PCDHA9: variants seen among roughly 807,000 people sequenced by gnomAD.
PCDHA9 encodes protocadherin alpha-9.
Under a neutral mutation model 62.0 loss-of-function variants are expected in PCDHA9, and 62 were observed. The observed-to-expected ratio is 1.00, with a 90% CI of 0.81 to 1.23. The LOEUF (loss-of-function observed/expected upper bound fraction) is 1.23. Among genes scored for constraint, PCDHA9 ranks in the 50% most tolerant of loss-of-function variants. The pLI, the probability that PCDHA9 is intolerant of heterozygous loss-of-function variation, is 0.00. For missense variants in PCDHA9, 1,205 were observed against 1,249.8 expected, an observed-to-expected ratio of 0.96 and a Z score of 0.54; for synonymous variants, 557 against 567.6, an observed-to-expected ratio of 0.98 and a Z score of 0.27.
chr5:140,979,898 G>A (rs1253481087), intron 2 of PCDHA9, among the ~76,000 whole-genome samples: 2 of 152,212 alleles, frequency 1.3e-5, no homozygotes, highest in Non-Finnish European at 1.5e-5. Context: ...ACCAAACTTA[G>A]ATCAGTTCGT....
intron 1 of PCDHA9, chr5:140,968,708 A>G: frequency 1.2e-6 from 2 of 1,614,126 alleles, no homozygotes; most frequent in Non-Finnish European, 1.7e-6. Flanking sequence ...TACCAGGAAG[A>G]TGGGAGATGA....
chr5:140,980,259 G>T (rs1200649581), intron 2 of PCDHA9, among the ~76,000 whole-genome samples: 1 of 152,192 alleles, frequency 6.6e-6, no homozygotes. Flanking sequence ...TAAAAGCATG[G>T]TTTACAGTAC....
intron 1 of PCDHA9, among the ~76,000 whole-genome samples, chr5:140,886,732 A>C (rs1457707116): frequency 3.9e-5 from 6 of 151,952 alleles, no homozygotes; most frequent in Non-Finnish European, 8.8e-5. Flanking sequence ...AGGCTGAAGC[A>C]AGAGAATTGC....
At chr5:140,886,899 A>G (rs1054848231) in intron 1 of PCDHA9, among the ~76,000 whole-genome samples, 1 of 152,020 alleles carries the variant, frequency 6.6e-6, no homozygotes, top group Admixed American at 6.6e-5. Flanking sequence ...AATGCATTTA[A>G]TAAATACTTA....
At position 140,941,246 on chromosome 5, in the gene PCDHA9, T is replaced by TCCTTC. The variant is rs1465255424; in HGVS notation, c.2395-37702_2395-37701insCTTCC. Among the ~76,000 whole-genome samples, 4 of 141,078 alleles carry TCCTTC rather than the reference T, an allele frequency of 2.8e-5. No individual in the cohort carries two copies. In the East Asian group the frequency reaches 8.2e-4, roughly 29 times the overall value. 92.6% of individuals were successfully genotyped at this position (141,078 alleles called of 152,430 possible). On this transcript the variant is annotated intron_variant, in intron 1 of 3. Coordinates refer to ENST00000532602, the MANE Select transcript of PCDHA9 (RefSeq NM_031857.2). Reference sequence around the variant, plus strand: ...TTCTTTCTTTCTTTCTTTCTTTCTTTCTTTCTTTCTCTTTCTTTCTTTCTT... The same window carrying TCCTTC: ...TTCTTTCTTTCTTTCTTTCTTTCTTTCCTTCCTTTCTTTCTCTTTCTTTCTTTCTT...
rs1554142197 is a variant in PCDHA9 at position 140,848,554 on chromosome 5, T to G, written c.59T>G (p.Ile20Ser). The change falls in exon 1 of 4, where the codon ATC (isoleucine) becomes AGC (serine). Residue 20 changes from isoleucine to serine, a missense_variant. This residue lies in a region of PCDHA9 where 208 missense variants were observed against 213.2 expected (regional missense o/e 0.98). Transcript: ENST00000532602. ...CAGCCTCTACTGCTCTCGCTTCTGA[T>G]CCTCGCAATGTGGGTGGTGGGGAGC... ...EGQPLLLSLL[I>S]LAMWVVGSGQ... 2.5e-6 allele frequency: 4 copies of G among 1,595,574 alleles called. No homozygotes were observed. The highest frequency in any genetic ancestry group is 3.4e-5 in the Admixed American group (2 of 59,260).
chr5:140,878,318 C>T (rs2057536608), intron 1 of PCDHA9, among the ~76,000 whole-genome samples: 1 of 152,176 alleles, frequency 6.6e-6, no homozygotes, highest in African/African-American at 2.4e-5. Context: ...TAGACATTTT[C>T]ACATTATATT....
At position 140,855,056 on chromosome 5, in the gene PCDHA9, G is replaced by A. The variant is rs1045590902; in HGVS notation, c.2394+4167G>A. The stretch of plus-strand genomic sequence containing the variant: ...GATTTTTCTGTAATAGTACTTTTCT[G>A]TTTTCTTAAATACAGAAACCACCAC... On this transcript the variant is annotated intron_variant, in intron 1 of 3. Coordinates refer to ENST00000532602, the MANE Select transcript of PCDHA9 (RefSeq NM_031857.2). Among the ~76,000 whole-genome samples, 11 of 149,630 alleles carry A rather than the reference G, an allele frequency of 7.4e-5. 2 individuals are homozygous for A. The highest frequency in any genetic ancestry group is 1.6e-4 in the Non-Finnish European group (11 of 66,976).
intron 1 of PCDHA9, chr5:140,876,440 T>G (rs369023443): frequency 3.7e-6 from 6 of 1,613,994 alleles, no homozygotes; most frequent in Admixed American, 1.7e-5. Flanking sequence ...GTTAACGCCA[T>G]TGATAAAGGG....
intron 1 of PCDHA9, among the ~76,000 whole-genome samples, chr5:140,940,595 G>A (rs1233586288): frequency 2.0e-5 from 3 of 152,100 alleles, no homozygotes; most frequent in East Asian, 1.9e-4. Context: ...TTTCAGGCAT[G>A]AGCCGCTGCT....
At chr5:140,927,720 G>C (rs782475238) in intron 1 of PCDHA9, 8 of 1,614,056 alleles carry the variant, frequency 5.0e-6, no homozygotes, top group Non-Finnish European at 6.8e-6. Flanking sequence ...GCAACAGCAC[G>C]CAAGCAGAGC....
intron 1 of PCDHA9, chr5:140,851,772 A>G (rs1236960091): frequency 1.0e-6 from 1 of 968,722 alleles, no homozygotes; most frequent in Non-Finnish European, 1.2e-6. Context: ...ACCCTTATGA[A>G]TTTAGATGAG....
At chr5:140,988,877 G>A (rs372950279) in intron 3 of PCDHA9, 8 of 152,310 alleles carry the variant, frequency 5.3e-5, no homozygotes, top group East Asian at 3.9e-4. Context: ...TCAGATGTAC[G>A]ATCCTGGATA....
chr5:140,919,558 TAA>T (rs879969388), intron 1 of PCDHA9, among the ~76,000 whole-genome samples: 1 of 152,210 alleles, frequency 6.6e-6, no homozygotes, highest in Non-Finnish European at 1.5e-5. Flanking sequence ...TGATTTATAT[TAA>T]GTGAATATTT....
intron 1 of PCDHA9, among the ~76,000 whole-genome samples, chr5:140,933,589 G>T (rs1369666636): frequency 8.6e-5 from 13 of 152,012 alleles, no homozygotes; most frequent in Non-Finnish European, 2.9e-5. Context: ...GGGTTTTTAG[G>T]TTGATTTGTC....
At chr5:140,868,231 T>C in intron 1 of PCDHA9, 1 of 152,170 alleles carries the variant, frequency 6.6e-6, no homozygotes, top group East Asian at 1.9e-4. Flanking sequence ...TAAAAACTCA[T>C]CTAGATCAAT....
chr5:140,990,898 G>A (rs1408537294), intron 3 of PCDHA9, among the ~76,000 whole-genome samples: 3 of 152,146 alleles, frequency 2.0e-5, no homozygotes, highest in Non-Finnish European at 4.4e-5. Context: ...GGTCGTTGCT[G>A]GGTCAAGTTT....
intron 1 of PCDHA9, chr5:140,877,006 G>A: frequency 6.2e-7 from 1 of 1,612,484 alleles, no homozygotes; most frequent in Non-Finnish European, 8.5e-7. Flanking sequence ...GTCGGTGCAC[G>A]CGGAGAGCGG....
At chr5:140,871,198 C>T (rs540384431) in intron 1 of PCDHA9, 3 of 1,613,730 alleles carry the variant, frequency 1.9e-6, no homozygotes, top group African/African-American at 1.3e-5. Context: ...CAACGTGTAC[C>T]TGATCATCGC....
Sources: allele counts gnomAD v4.1 joint callset (sites outside exome capture counted in the v4.1 genomes callset), GRCh38; gene constraint gnomAD v4.1.1; regional missense constraint gnomAD v4.1.1; transcripts MANE v1.5; gene names NCBI Gene and HGNC (gene_info 2026-07-23, HGNC 2026-07-21).